The following KDM6A variants were observed in gnomAD, a reference collection of about 807,000 sequenced individuals.
KDM6A encodes the protein lysine demethylase 6A.
A neutral mutation model predicts 117.6 loss-of-function variants in KDM6A; 11 were observed. The observed-to-expected ratio is 0.09, with a 90% confidence interval of 0.06 to 0.15. The LOEUF is 0.15. Among genes scored for constraint, KDM6A ranks in the 10% least tolerant of loss-of-function variants. The probability of loss-of-function intolerance (pLI) is 1.00; values close to 1 mark genes in which losing one functional copy is unlikely to be tolerated. For missense variants in KDM6A, 799 were observed against 1,077.3 expected, an observed-to-expected ratio of 0.74 and a Z score of 3.62; for synonymous variants, 384 against 396.1, an observed-to-expected ratio of 0.97 and a Z score of 0.36.
At chrX:44,929,896 C>T (rs954330801) in intron 2 of KDM6A, among the ~76,000 whole-genome samples, 2 of 110,430 alleles carry the variant, frequency 1.8e-5, no homozygotes, top group African/African-American at 6.6e-5. Context: ...CATAGGTAAA[C>T]GTGTCATTGG....
At chrX:45,001,818 C>T (rs1441955026) in intron 4 of KDM6A, among the ~76,000 whole-genome samples, 1 of 110,997 alleles carries the variant, frequency 9.0e-6, no homozygotes, top group African/African-American at 3.3e-5. Flanking sequence ...AGTCTATCCC[C>T]CTTCCGCTGT....
In KDM6A at chrX:45,112,260, A is replaced by G. The variant is rs2046787752; in HGVS notation, c.*849A>G. On this transcript the variant is annotated 3_prime_UTR_variant, in exon 30 of 30. Transcript: ENST00000611820. ...TTGTTTAATGTTTAAAGAGTTTTCT[A>G]TTGTTTGAGTTTTAAAAAAGACTTT... is the stretch of plus-strand genomic sequence containing the variant. 6.9e-6 allele frequency: 1 copy of G among 144,099 alleles called. No homozygotes were observed. Among genetic ancestry groups the G allele is most frequent in the African/African-American group, 3.1e-5 (1 of 31,975 alleles). The allele number at this position is 144,099 out of a possible 1,213,427, so 11.9% of individuals were successfully genotyped here.
chrX:44,947,345 A>G lies in KDM6A; in HGVS notation c.226-13939A>G, dbSNP rs772362488. 2.1e-4 allele frequency among the ~76,000 whole-genome samples: 23 copies of G among 108,854 alleles called. No homozygotes were observed. The South Asian group carries it at 5.1e-3, about 24-fold the overall frequency. The allele number at this position is 108,854 out of a possible 115,157, so 94.5% of individuals were successfully genotyped here. A position where few individuals can be genotyped will look rare whatever the true frequency, so the allele number is the denominator to read the frequency against. ...AATTCTCGTCTGAAGTTTGTGTTCTACCCAGGTCAGATGAATTCAGGCTTA... is the reference window on the plus strand; with the variant it reads ...AATTCTCGTCTGAAGTTTGTGTTCTGCCCAGGTCAGATGAATTCAGGCTTA... On this transcript the variant is annotated intron_variant, in intron 2 of 29. Transcript: ENST00000611820.
At chrX:44,957,389 A>T (rs1341605266) in intron 2 of KDM6A, among the ~76,000 whole-genome samples, 1 of 112,303 alleles carries the variant, frequency 8.9e-6, no homozygotes, top group Non-Finnish European at 1.9e-5. Context: ...AGTTCATCAT[A>T]AAAGATTAAT....
chrX:44,885,634 G>A (rs1364575538), intron 2 of KDM6A, among the ~76,000 whole-genome samples: 1 of 110,481 alleles, frequency 9.1e-6, no homozygotes, highest in African/African-American at 3.3e-5. Flanking sequence ...ACTTTCAGGG[G>A]CCAAGGCGGG....
chrX:44,900,721 A>C (rs2034285464), intron 2 of KDM6A, among the ~76,000 whole-genome samples: 1 of 110,697 alleles, frequency 9.0e-6, no homozygotes. Flanking sequence ...ACACAGTGAA[A>C]CCCCATCTCT....
intron 4 of KDM6A, among the ~76,000 whole-genome samples, chrX:44,989,368 G>T (rs925036841): frequency 1.9e-5 from 2 of 107,187 alleles, no homozygotes; most frequent in Non-Finnish European, 3.8e-5. Flanking sequence ...GTGATGCCTC[G>T]CCCTGCTTCG....
chrX:45,051,052 C>T (rs902267084), intron 8 of KDM6A, among the ~76,000 whole-genome samples: 2 of 111,423 alleles, frequency 1.8e-5, no homozygotes, highest in African/African-American at 6.5e-5. Flanking sequence ...CTCTGTTGCC[C>T]AGGCTGGAGT....
chrX:45,040,435 C>A (rs1320695729), intron 8 of KDM6A, among the ~76,000 whole-genome samples: 10 of 81,034 alleles, frequency 1.2e-4, no homozygotes, highest in South Asian at 7.2e-4. Flanking sequence ...GGGCGGCTGG[C>A]CGGGCGGGGG....
chrX:44,924,235 G>T (rs975360125), intron 2 of KDM6A, among the ~76,000 whole-genome samples: 1 of 111,837 alleles, frequency 8.9e-6, no homozygotes, highest in African/African-American at 3.3e-5. Flanking sequence ...ATAGTTTCTT[G>T]ATTGTTCTCA....
chrX:44,928,035 T>C (rs917226399), intron 2 of KDM6A, among the ~76,000 whole-genome samples: 1 of 110,840 alleles, frequency 9.0e-6, no homozygotes, highest in Admixed American at 9.6e-5. Context: ...AAAAAAAGCC[T>C]AGGGGACTAT....
At chrX:45,094,600 T>C (rs1232127557) in intron 27 of KDM6A, among the ~76,000 whole-genome samples, 2 of 112,056 alleles carry the variant, frequency 1.8e-5, no homozygotes, top group Non-Finnish European at 3.8e-5. Flanking sequence ...AGAGGCCATG[T>C]TGTATGAATA....
At chrX:44,984,990 A>C (rs1376512912) in intron 4 of KDM6A, among the ~76,000 whole-genome samples, 1 of 109,927 alleles carries the variant, frequency 9.1e-6, no homozygotes, top group Non-Finnish European at 1.9e-5. Flanking sequence ...TGAATCTATA[A>C]ATTACCTTGG....
intron 2 of KDM6A, among the ~76,000 whole-genome samples, chrX:44,931,716 A>G (rs1175994233): frequency 9.0e-6 from 1 of 111,712 alleles, no homozygotes; most frequent in African/African-American, 3.3e-5. Flanking sequence ...GAGTTGTAAG[A>G]GAGGATTAGT....
chrX:45,030,700 TA>T (rs754090883), intron 6 of KDM6A, among the ~76,000 whole-genome samples: 33 of 111,523 alleles, frequency 3.0e-4, no homozygotes, highest in Admixed American at 2.8e-3. Context: ...ACTTTTATTT[TA>T]TTTTTTAATA....
At chrX:44,875,140 C>A (rs1265106824) in intron 2 of KDM6A, among the ~76,000 whole-genome samples, 1 of 112,103 alleles carries the variant, frequency 8.9e-6, no homozygotes, top group Non-Finnish European at 1.9e-5. Context: ...GTGTTGTATC[C>A]GTTAGACATT....
intron 24 of KDM6A, among the ~76,000 whole-genome samples, chrX:45,083,905 G>C (rs748439515): frequency 8.9e-6 from 1 of 111,941 alleles, no homozygotes; most frequent in Non-Finnish European, 1.9e-5. Flanking sequence ...GTTGCAGAGA[G>C]TGATGGGGTG....
chrX:44,907,747 C>G (rs1273284812), intron 2 of KDM6A, among the ~76,000 whole-genome samples: 1 of 83,677 alleles, frequency 1.2e-5, no homozygotes, highest in Non-Finnish European at 2.3e-5. Context: ...TGCTTCTGGC[C>G]TCCATTTTTT....
intron 3 of KDM6A, among the ~76,000 whole-genome samples, chrX:44,964,017 G>C (rs894144619): frequency 9.1e-6 from 1 of 110,263 alleles, no homozygotes; most frequent in East Asian, 2.9e-4. Context: ...CACTGCGCCC[G>C]GCCTTTTGAC....
Sources: allele counts gnomAD v4.1 joint callset (sites outside exome capture counted in the v4.1 genomes callset), GRCh38; gene constraint gnomAD v4.1.1; transcripts MANE v1.5; gene names NCBI Gene and HGNC (gene_info 2026-07-23, HGNC 2026-07-21).